Variants in PLEKHH2 observed in about 807,000 individuals in gnomAD.
The protein encoded by PLEKHH2 is pleckstrin homology domain-containing family H member 2.
PLEKHH2 carries 129 observed loss-of-function variants against 187.9 expected under a neutral mutation model. The observed-to-expected ratio is 0.69, with a 90% confidence interval of 0.59 to 0.79. PLEKHH2 has a LOEUF of 0.79. Ranked by LOEUF, PLEKHH2 falls within the 30% of genes least tolerant of loss-of-function variation. The pLI is 0.00. For synonymous variants in PLEKHH2, 686 were observed against 605.6 expected (o/e 1.13, Z -1.95); for missense variants, 2,076 against 1,751.2 (o/e 1.19, Z -3.31).
At chr2:43,710,394 G>T in intron 13 of PLEKHH2, 64 bp downstream of exon 13, 5 of 1,580,850 alleles carry the variant, frequency 3.2e-6, no homozygotes, top group Non-Finnish European at 4.3e-6. Context: ...ACGCCTGATT[G>T]ATTTCCTTCC....
At chr2:43,719,579 A>G (rs779294977) in intron 15 of PLEKHH2, among the ~76,000 whole-genome samples, 1 of 152,180 alleles carries the variant, frequency 6.6e-6, no homozygotes, top group Non-Finnish European at 1.5e-5. Flanking sequence ...AGCTGGAACT[A>G]CAGATGTCCA....
intron 3 of PLEKHH2, chr2:43,681,691 C>T (rs1668199554): frequency 9.1e-6 from 5 of 552,010 alleles, no homozygotes; most frequent in Non-Finnish European, 9.6e-6. Flanking sequence ...CTTACTCCAT[C>T]AGGCCACTGA....
chr2:43,700,644 GT>G, intron 8 of PLEKHH2, 36 bp downstream of exon 8: 3 of 1,553,746 alleles, frequency 1.9e-6, no homozygotes, highest in Non-Finnish European at 1.7e-6. Context: ...ATACGCAGTA[GT>G]TTTTTTCTCA....
At chr2:43,746,589 T>C (rs1038482796) in intron 24 of PLEKHH2, among the ~76,000 whole-genome samples, 1 of 152,084 alleles carries the variant, frequency 6.6e-6, no homozygotes, top group Non-Finnish European at 1.5e-5. Flanking sequence ...AAATAGTTGC[T>C]CTCTTAGAGT....
At position 43,726,571 on chromosome 2, in the gene PLEKHH2, C is replaced by G. The variant is rs375934308; in HGVS notation, c.2721+120C>G. 38 of 864,728 alleles carry G rather than the reference C, an allele frequency of 4.4e-5. 1 individual carries two copies. Among genetic ancestry groups the G allele is most frequent in the East Asian group, 3.4e-4 (12 of 35,518 alleles). The allele number at this position is 864,728 out of a possible 1,614,324, so 53.6% of individuals were successfully genotyped here. ...AAGAAAATTTTGCTATAGACTTTCA[C>G]CTCTGTTTTCAGAGATTCTTTACCT... On this transcript the variant is annotated intron_variant, in intron 17 of 29. Coordinates refer to ENST00000282406, the MANE Select transcript of PLEKHH2 (RefSeq NM_172069.4).
intron 29 of PLEKHH2, 76 bp downstream of exon 29, chr2:43,764,441 A>G (rs1572678143): frequency 2.1e-6 from 3 of 1,439,030 alleles, no homozygotes; most frequent in South Asian, 2.5e-5. Flanking sequence ...CCAAAAAGCA[A>G]TGCTAATTGT....
At chr2:43,647,958 G>A (rs1017776779) in intron 2 of PLEKHH2, among the ~76,000 whole-genome samples, 2 of 152,116 alleles carry the variant, frequency 1.3e-5, no homozygotes, top group East Asian at 3.9e-4. Context: ...CCATCAACTA[G>A]TTTAAACCCC....
At chr2:43,732,750 G>T (rs984473551) in intron 19 of PLEKHH2, among the ~76,000 whole-genome samples, 4 of 151,784 alleles carry the variant, frequency 2.6e-5, no homozygotes, top group African/African-American at 9.7e-5. Flanking sequence ...ATCTAGTCTG[G>T]TTTGTTTCTA....
intron 3 of PLEKHH2, among the ~76,000 whole-genome samples, chr2:43,683,539 T>G (rs979420837): frequency 1.3e-5 from 2 of 152,158 alleles, no homozygotes; most frequent in Non-Finnish European, 2.9e-5. Flanking sequence ...TTATAGGGTC[T>G]TTTTTCCTTT....
At chr2:43,656,569 A>C (rs1030009278) in intron 2 of PLEKHH2, among the ~76,000 whole-genome samples, 1 of 152,258 alleles carries the variant, frequency 6.6e-6, no homozygotes, top group African/African-American at 2.4e-5. Context: ...AGATCTACAC[A>C]TAACAGGCTA....
chr2:43,708,503 T>C (rs1412756035), intron 11 of PLEKHH2, among the ~76,000 whole-genome samples: 2 of 152,178 alleles, frequency 1.3e-5, no homozygotes, highest in East Asian at 3.9e-4. Context: ...CTCAATGAGG[T>C]CCACCCTGAC....
At chr2:43,676,686 C>A (rs1038989545) in intron 2 of PLEKHH2, among the ~76,000 whole-genome samples, 1 of 152,086 alleles carries the variant, frequency 6.6e-6, no homozygotes, top group Non-Finnish European at 1.5e-5. Context: ...GTATTCAGCC[C>A]CTGGTACAAC....
At chr2:43,679,041 T>C in intron 3 of PLEKHH2, 116 bp downstream of exon 3, 1 of 576,734 alleles carries the variant, frequency 1.7e-6, no homozygotes, top group Non-Finnish European at 3.0e-6. Context: ...TTTTTGACTG[T>C]TCATAGCTTG....
chr2:43,718,012 A>T (rs1670295985), intron 15 of PLEKHH2, among the ~76,000 whole-genome samples: 1 of 152,180 alleles, frequency 6.6e-6, no homozygotes, highest in Non-Finnish European at 1.5e-5. Flanking sequence ...GGAAGGAGAG[A>T]ATACCATAGG....
intron 1 of PLEKHH2, among the ~76,000 whole-genome samples, chr2:43,644,076 C>T (rs1007933957): frequency 1.3e-4 from 20 of 152,070 alleles, no homozygotes; most frequent in Admixed American, 7.2e-4. Context: ...CCCTTAAATA[C>T]GCCAAAGGAC....
chr2:43,735,254 A>G (rs1671233796), intron 19 of PLEKHH2, among the ~76,000 whole-genome samples: 1 of 152,204 alleles, frequency 6.6e-6, no homozygotes, highest in Admixed American at 6.5e-5. Flanking sequence ...ACGAAAAACA[A>G]AGCCCTGTCA....
Position 43,729,681 on chromosome 2 carries a change from T to C in PLEKHH2, c.2766T>C (p.Asn922=), listed in dbSNP as rs779397005. The C allele has an allele frequency of 3.7e-6, 6 of 1,609,818 alleles. No homozygotes were observed. The highest frequency in any genetic ancestry group is 4.5e-5 in the East Asian group (2 of 44,710). ...TGACTGTTGCAGCTGGAAGCAACAA[T>C]GTAAACGTTGGATCTGAATTTGAAC... ...YHLTVAAGSN[N]VNVGSEFEQL... is the part of the protein sequence containing the mutation. Residue 922 remains asparagine (N), a synonymous_variant, in exon 18 of 30, where the codon AAT becomes AAC. Coordinates refer to ENST00000282406, the MANE Select transcript of PLEKHH2 (RefSeq NM_172069.4).
intron 14 of PLEKHH2, chr2:43,711,176 A>T: frequency 5.1e-6 from 5 of 985,514 alleles, no homozygotes; most frequent in Non-Finnish European, 4.8e-6. Context: ...TTAAAGTCAG[A>T]CACTTTATTT....
At chr2:43,655,865 T>C (rs565085573) in intron 2 of PLEKHH2, among the ~76,000 whole-genome samples, 1 of 152,302 alleles carries the variant, frequency 6.6e-6, no homozygotes, top group Non-Finnish European at 1.5e-5. Flanking sequence ...AAGAAAAAAA[T>C]ACACATTCTT....
Sources: gnomAD v4.1 joint callset for allele counts (sites outside exome capture counted in the v4.1 genomes callset) on GRCh38, gnomAD v4.1.1 for gene constraint, MANE v1.5 for transcripts, NCBI Gene and HGNC (gene_info 2026-07-23, HGNC 2026-07-21) for gene names.